Variants in SP4 observed in about 807,000 individuals in gnomAD.
SP4 encodes the protein Sp4 transcription factor.
Under a neutral mutation model 72.8 loss-of-function variants are expected in SP4, and 19 were observed. That is an observed-to-expected ratio of 0.26 (90% CI 0.18 to 0.38). The LOEUF (loss-of-function observed/expected upper bound fraction) is 0.38. SP4 is among the 10% of genes least tolerant of loss of function. The pLI, the probability that SP4 is intolerant of heterozygous loss-of-function variation, is 1.00. For synonymous variants in SP4, 395 were observed against 333.1 expected, an observed-to-expected ratio of 1.19 and a Z score of -2.02; for missense variants, 1,008 against 926.3, an observed-to-expected ratio of 1.09 and a Z score of -1.14.
At position 21,428,759 on chromosome 7, in the gene SP4, T is replaced by G. The variant is rs991722903; in HGVS notation, c.90T>G (p.Asn30Lys). ...TEGGKTSEPE[N>K]NNKKPKTSGS... ...GAGGGAAAACCTCTGAGCCAGAGAA[T>G]AACAATAAAAAACCCAAAACCTCAG... Residue 30 changes from asparagine (N) to lysine (K), a missense_variant, in exon 2 of 6, where the codon AAT (asparagine) becomes AAG (lysine). Transcript: ENST00000222584. The G allele has an allele frequency of 1.1e-5, 17 of 1,551,732 alleles. No individual in the cohort carries two copies. The highest frequency in any genetic ancestry group is 1.5e-5 in the Non-Finnish European group (17 of 1,147,338).
chr7:21,497,108 A>G (rs747140448), intron 5 of SP4, among the ~76,000 whole-genome samples: 8 of 152,228 alleles, frequency 5.3e-5, no homozygotes, highest in African/African-American at 9.6e-5. Context: ...AAGTTAAAAT[A>G]CTTGCTTCTA....
intron 3 of SP4, among the ~76,000 whole-genome samples, chr7:21,452,779 CATT>C (rs1002916860): frequency 6.7e-6 from 1 of 150,250 alleles, no homozygotes. Flanking sequence ...ATACTTTACT[CATT>C]ATTTTTTTTT....
At position 21,477,172 on chromosome 7, in the gene SP4, G is replaced by A; in HGVS notation, c.1772G>A (p.Gly591Asp). The change falls in exon 4 of 6, where the codon GGT (glycine) becomes GAT (aspartate). Residue 591 changes from glycine to aspartate, a missense_variant. This residue lies in a region of SP4 where 893 missense variants were observed against 743.3 expected (regional missense o/e 1.20). Coordinates refer to ENST00000222584, the MANE Select transcript of SP4 (RefSeq NM_003112.5). ...GGAGGAATTGCTAATGCCACGATAGGTGCTGTTAGTCCTGACCAACTCACA... is the reference window on the plus strand; with the variant it reads ...GGAGGAATTGCTAATGCCACGATAGATGCTGTTAGTCCTGACCAACTCACA... The part of the protein sequence containing the change: ...AVGGIANATI[G>D]AVSPDQLTQV... 1.2e-6 allele frequency: 2 copies of A among 1,614,132 alleles called. No individual in the cohort carries two copies. The highest frequency in any genetic ancestry group is 8.5e-7 in the Non-Finnish European group (1 of 1,179,984).
intron 5 of SP4, among the ~76,000 whole-genome samples, chr7:21,494,623 CA>C (rs59123333): frequency 0.035 from 5,380 of 152,188 alleles, 342 homozygotes; most frequent in East Asian, 0.26. Context: ...TGAAAGAATG[CA>C]ATGAAGAACT....
At chr7:21,496,158 T>C (rs6461569) in intron 5 of SP4, among the ~76,000 whole-genome samples, 64,389 of 151,940 alleles carry the variant, frequency 0.42, 14,483 homozygotes, top group East Asian at 0.6. Flanking sequence ...ATAGCAACTC[T>C]TCTGTGTGTT....
chr7:21,454,453 A>G (rs1054632450), intron 3 of SP4, among the ~76,000 whole-genome samples: 8 of 151,086 alleles, frequency 5.3e-5, no homozygotes, highest in African/African-American at 1.7e-4. Flanking sequence ...ATTTTACTTT[A>G]GGACAATAGT....
At chr7:21,458,549 C>T (rs1783853406) in intron 3 of SP4, among the ~76,000 whole-genome samples, 2 of 152,116 alleles carry the variant, frequency 1.3e-5, no homozygotes, top group Non-Finnish European at 1.5e-5. Context: ...TGAATGAAAC[C>T]TTTTCTTTGC....
intron 3 of SP4, among the ~76,000 whole-genome samples, chr7:21,445,041 T>A (rs893423337): frequency 1.1e-4 from 17 of 152,170 alleles, no homozygotes; most frequent in African/African-American, 4.1e-4. Flanking sequence ...CTGTGTTGAT[T>A]GGGAATTTGA....
chr7:21,428,543 C>G, intron 1 of SP4, 134 bp from the exon 2 acceptor site: 1 of 987,136 alleles, frequency 1.0e-6, no homozygotes, highest in Admixed American at 2.7e-5. Context: ...CCACCCCCTG[C>G]CGGTGTGCGT....
chr7:21,501,067 C>G lies in SP4; in HGVS notation c.2108-9955C>G, dbSNP rs2282901. ...ATCCCTCCCCTAGTTCCTCATAGGT[C>G]GAGTATTACAGGGTTACAATCTTCC... On this transcript the variant is annotated intron_variant, in intron 5 of 5. Coordinates refer to ENST00000222584, the MANE Select transcript of SP4 (RefSeq NM_003112.5). Among the ~76,000 whole-genome samples the G allele has an allele frequency of 4.2e-4, 64 of 151,964 alleles. 1 individual carries two copies. The South Asian group carries it at 0.013, about 32-fold the overall frequency.
At chr7:21,476,994 T>A in intron 3 of SP4, 85 bp from the exon 4 acceptor site, 1 of 989,042 alleles carries the variant, frequency 1.0e-6, no homozygotes, top group South Asian at 1.7e-5. Context: ...TAGAAAAAAT[T>A]TATTATGCAC....
At chr7:21,508,177 C>G (rs931983780) in intron 5 of SP4, among the ~76,000 whole-genome samples, 1 of 152,106 alleles carries the variant, frequency 6.6e-6, no homozygotes. Context: ...ACACCTCTGC[C>G]CTCTCGGCTG....
chr7:21,442,509 T>C (rs1403627918), intron 3 of SP4, among the ~76,000 whole-genome samples: 5 of 152,130 alleles, frequency 3.3e-5, no homozygotes, highest in African/African-American at 9.7e-5. Flanking sequence ...TTAAATTACT[T>C]TGTGGTGTTT....
In SP4 at chr7:21,429,530, C is replaced by G; in HGVS notation, c.365C>G (p.Ser122Cys). Residue 122 changes from serine to cysteine, a missense_variant, in exon 3 of 6, where the codon TCT becomes TGT. Physicochemically the swap from Ser to Cys is moderately radical, Grantham distance 112 (BLOSUM62 -1). This residue lies in a region of SP4 where 893 missense variants were observed against 743.3 expected (regional missense o/e 1.20). Transcript: ENST00000222584. Reference sequence around the variant, plus strand: ...GAGAATAACGTTTCTCAACCAGCCTCTAGTTCGTCTAGTTCTTCCAGCAGT... The same window carrying G: ...GAGAATAACGTTTCTCAACCAGCCTGTAGTTCGTCTAGTTCTTCCAGCAGT... ...SKENNVSQPASSSSSSSSSNN... is the reference protein window; with the variant it reads ...SKENNVSQPACSSSSSSSSNN... 1.2e-6 allele frequency: 2 copies of G among 1,614,132 alleles called. No individual in the cohort carries two copies. The highest frequency in any genetic ancestry group is 8.5e-7 in the Non-Finnish European group (1 of 1,179,950).
rs192908793 is a variant in SP4, at chr7:21,512,160, A to G, written c.*891A>G. On this transcript the variant is annotated 3_prime_UTR_variant, in exon 6 of 6. Transcript: ENST00000222584. Reference sequence around the variant, plus strand: ...TTGGAAATATTTGCATAGAGTGTAAATTGTTCTGTAGTTTCATATTTTGTA... The same window carrying G: ...TTGGAAATATTTGCATAGAGTGTAAGTTGTTCTGTAGTTTCATATTTTGTA... 6.5e-6 allele frequency: 1 copy of G among 152,750 alleles called. No homozygotes were observed. The highest frequency in any genetic ancestry group is 1.9e-4 in the East Asian group (1 of 5,194). The allele number at this position is 152,750 out of a possible 1,614,324, so 9.5% of individuals were successfully genotyped here. A position where few individuals can be genotyped will look rare whatever the true frequency, so the allele number is the denominator to read the frequency against.
At chr7:21,455,184 G>C (rs1013874625) in intron 3 of SP4, among the ~76,000 whole-genome samples, 2 of 152,152 alleles carry the variant, frequency 1.3e-5, no homozygotes, top group Non-Finnish European at 2.9e-5. Context: ...GCTTGTGGCA[G>C]AGGGGTCAAG....
intron 3 of SP4, among the ~76,000 whole-genome samples, chr7:21,439,554 C>T (rs1460520350): frequency 6.6e-6 from 1 of 151,414 alleles, no homozygotes; most frequent in East Asian, 1.9e-4. Flanking sequence ...TGCAGTAGTC[C>T]CTTTCTTCAT....
intron 5 of SP4, among the ~76,000 whole-genome samples, chr7:21,491,177 T>C (rs191923957): frequency 1.6e-4 from 25 of 152,176 alleles, no homozygotes; most frequent in African/African-American, 5.3e-4. Context: ...CTGAAATCAA[T>C]GGAAAGGCAG....
intron 3 of SP4, among the ~76,000 whole-genome samples, chr7:21,475,641 T>G (rs2128408928): frequency 6.6e-6 from 1 of 152,112 alleles, no homozygotes; most frequent in South Asian, 2.1e-4. Flanking sequence ...TTTTTTGTAT[T>G]TTTAGTAGAG....
Sources: gnomAD v4.1 joint callset for allele counts (sites outside exome capture counted in the v4.1 genomes callset) on GRCh38, gnomAD v4.1.1 for gene constraint, gnomAD v4.1.1 regional missense constraint, MANE v1.5 for transcripts, NCBI Gene and HGNC (gene_info 2026-07-23, HGNC 2026-07-21) for gene names.